The following RALGAPA1 variants were observed in gnomAD, a reference collection of about 807,000 sequenced individuals.
The protein encoded by RALGAPA1 is Ral GTPase activating protein catalytic subunit alpha 1, also known as ral GTPase-activating protein subunit alpha-1.
In RALGAPA1, 52 loss-of-function variants were observed where a neutral mutation model predicts 269.6. The ratio of observed to expected loss-of-function variants is 0.19; its 90% CI spans 0.15 to 0.24. The LOEUF is 0.24. RALGAPA1 is among the 10% of genes least tolerant of loss of function. The pLI, the probability that RALGAPA1 is intolerant of heterozygous loss-of-function variation, is 1.00. For missense variants in RALGAPA1, 1,917 were observed against 3,013.9 expected (o/e 0.64, Z 8.52); for synonymous variants, 817 against 1,008.3 (o/e 0.81, Z 3.60).
intron 33 of RALGAPA1, among the ~76,000 whole-genome samples, chr14:35,632,726 A>T (rs996941620): frequency 1.3e-5 from 2 of 152,054 alleles, no homozygotes; most frequent in African/African-American, 2.4e-5. Context: ...AATTACAGCC[A>T]CTCCTGACAA....
At chr14:35,711,978 G>A (rs926346309) in intron 16 of RALGAPA1, among the ~76,000 whole-genome samples, 2 of 152,144 alleles carry the variant, frequency 1.3e-5, no homozygotes, top group Non-Finnish European at 2.9e-5. Context: ...TGGGCGCGGT[G>A]GCTCACGCCT....
chr14:35,679,702 CATTTAT>C (rs200865993), intron 21 of RALGAPA1, among the ~76,000 whole-genome samples: 6,115 of 152,194 alleles, frequency 0.04, 342 homozygotes, highest in African/African-American at 0.12. Flanking sequence ...GGACGATCTA[CATTTAT>C]ATTATTTTAA....
intron 35 of RALGAPA1, among the ~76,000 whole-genome samples, chr14:35,613,741 G>C (rs1193645629): frequency 1.3e-5 from 2 of 151,970 alleles, no homozygotes; most frequent in African/African-American, 4.8e-5. Flanking sequence ...TCAGATTTAG[G>C]GTCAAATCTA....
chr14:35,587,118 T>G (rs1298231716), intron 37 of RALGAPA1, among the ~76,000 whole-genome samples: 1 of 152,218 alleles, frequency 6.6e-6, no homozygotes, highest in Non-Finnish European at 1.5e-5. Context: ...TGTAGGCTAC[T>G]AATTATTGCC....
intron 6 of RALGAPA1, among the ~76,000 whole-genome samples, chr14:35,757,810 G>C (rs926971923): frequency 9.9e-5 from 15 of 152,132 alleles, no homozygotes; most frequent in Non-Finnish European, 2.1e-4. Flanking sequence ...CCCTAAACCT[G>C]ACTCCCAATA....
chr14:35,792,791 A>AG (rs747795694), intron 1 of RALGAPA1, among the ~76,000 whole-genome samples: 1 of 146,810 alleles, frequency 6.8e-6, no homozygotes, highest in Non-Finnish European at 1.5e-5. Flanking sequence ...AAAAAAAAAA[A>AG]AAAGAAAGAA....
At chr14:35,596,697 T>C (rs920360828) in intron 36 of RALGAPA1, among the ~76,000 whole-genome samples, 2 of 152,154 alleles carry the variant, frequency 1.3e-5, no homozygotes, top group Non-Finnish European at 2.9e-5. Context: ...TTAAAATTTA[T>C]TTTTAACTCA....
At chr14:35,755,997 G>A (rs756316569) in intron 7 of RALGAPA1, among the ~76,000 whole-genome samples, 1 of 152,140 alleles carries the variant, frequency 6.6e-6, no homozygotes, top group Non-Finnish European at 1.5e-5. Flanking sequence ...AATTCAAAAG[G>A]TACAAACAGG....
chr14:35,704,051 T>C (rs1291615734), intron 16 of RALGAPA1, among the ~76,000 whole-genome samples: 2 of 152,154 alleles, frequency 1.3e-5, no homozygotes, highest in Admixed American at 6.5e-5. Flanking sequence ...TTCCAAAATA[T>C]GATACATTTT....
At chr14:35,754,117 C>T (rs900599220) in intron 7 of RALGAPA1, among the ~76,000 whole-genome samples, 2 of 152,054 alleles carry the variant, frequency 1.3e-5, no homozygotes, top group African/African-American at 4.8e-5. Flanking sequence ...GACCACAGAC[C>T]TTAATGTAAA....
chr14:35,784,038 C>T (rs1274372426), intron 1 of RALGAPA1, among the ~76,000 whole-genome samples: 1 of 151,922 alleles, frequency 6.6e-6, no homozygotes, highest in Non-Finnish European at 1.5e-5. Flanking sequence ...TATCATATGG[C>T]CCAGCAATTC....
chr14:35,783,038 G>T (rs943694355), intron 1 of RALGAPA1, among the ~76,000 whole-genome samples: 3 of 151,844 alleles, frequency 2.0e-5, no homozygotes, highest in African/African-American at 7.3e-5. Context: ...TGCCCAGGCT[G>T]GTCTCAAACT....
At chr14:35,753,003 C>T (rs370281194) in intron 7 of RALGAPA1, among the ~76,000 whole-genome samples, 2 of 152,202 alleles carry the variant, frequency 1.3e-5, no homozygotes, top group East Asian at 3.9e-4. Context: ...GATAAACAGA[C>T]AGACAGGCAG....
intron 1 of RALGAPA1, among the ~76,000 whole-genome samples, chr14:35,785,693 T>C (rs1296005237): frequency 1.3e-5 from 2 of 152,186 alleles, no homozygotes; most frequent in African/African-American, 2.4e-5. Context: ...AGCACCAGGA[T>C]TGGTCTACAC....
intron 31 of RALGAPA1, 75 bp downstream of exon 31, chr14:35,651,730 A>G: frequency 7.4e-7 from 1 of 1,343,718 alleles, no homozygotes; most frequent in East Asian, 2.5e-5. Flanking sequence ...GTAAATATAC[A>G]TACCTTTAAA....
chr14:35,541,680 C>G lies in RALGAPA1; in HGVS notation c.*24-1990G>C, dbSNP rs556147154. The stretch of plus-strand genomic sequence containing the variant: ...AAGTGAAGAGCAGTAGTAGCTCATG[C>G]TTTTCTGGTAATGCATATCATTCCC... On this transcript the variant is annotated intron_variant, in intron 41 of 41. Coordinates refer to ENST00000680220, the MANE Select transcript of RALGAPA1 (RefSeq NM_001346249.2). 599 of 455,746 alleles carry G rather than the reference C, an allele frequency of 1.3e-3. 1 individual carries two copies. Among genetic ancestry groups the G allele is most frequent in the Non-Finnish European group, 2.3e-3 (512 of 226,430 alleles). The allele number at this position is 455,746 out of a possible 1,614,324, so 28.2% of individuals were successfully genotyped here. A position where few individuals can be genotyped will look rare whatever the true frequency, so the allele number is the denominator to read the frequency against.
At chr14:35,706,054 A>G (rs543872502) in intron 16 of RALGAPA1, among the ~76,000 whole-genome samples, 30 of 152,272 alleles carry the variant, frequency 2.0e-4, no homozygotes, top group African/African-American at 7.2e-4. Flanking sequence ...TTTATCAGGC[A>G]TGTGTTTTGC....
At chr14:35,792,735 G>C (rs1055632862) in intron 1 of RALGAPA1, among the ~76,000 whole-genome samples, 1 of 145,126 alleles carries the variant, frequency 6.9e-6, no homozygotes, top group African/African-American at 2.6e-5. Context: ...GTGAGCTCGT[G>C]CCACTGCACT....
chr14:35,635,511 C>T lies in RALGAPA1; in HGVS notation c.5764G>A (p.Ala1922Thr), dbSNP rs1226338623. 3 of 1,607,892 alleles carry T rather than the reference C, an allele frequency of 1.9e-6. No individual in the cohort carries two copies. Among genetic ancestry groups the T allele is most frequent in the Non-Finnish European group, 2.5e-6 (3 of 1,177,406 alleles). ...GATTTTTCTGTTTTATCGCTTTCTG[C>T]TCCCGTAGCATGAAATGGTTGGAGC... The part of the protein sequence containing the change: ...TLLQPFHATG[A>T]ESDKTEKSVL... Residue 1922 changes from alanine to threonine, a missense_variant, in exon 32 of 42, where the codon GCA becomes ACA. This residue lies in a region of RALGAPA1 where 346 missense variants were observed against 566.1 expected (regional missense o/e 0.61). Transcript: ENST00000680220.
Sources: gnomAD v4.1 joint callset for allele counts (sites outside exome capture counted in the v4.1 genomes callset) on GRCh38, gnomAD v4.1.1 for gene constraint, gnomAD v4.1.1 regional missense constraint, MANE v1.5 for transcripts, NCBI Gene and HGNC (gene_info 2026-07-23, HGNC 2026-07-21) for gene names.